Variants in SLC30A5 observed in about 807,000 individuals in gnomAD.
SLC30A5 encodes the protein solute carrier family 30 member 5, also known as proton-coupled zinc antiporter SLC30A5.
In SLC30A5, 33 loss-of-function variants were observed where a neutral mutation model predicts 79.6. The ratio of observed to expected loss-of-function variants is 0.41; its 90% CI spans 0.31 to 0.55. The LOEUF is 0.55. Ranked by LOEUF, SLC30A5 falls within the 20% of genes least tolerant of loss-of-function variation. The pLI is 0.20. For synonymous variants in SLC30A5, 299 were observed against 319.7 expected, an observed-to-expected ratio of 0.94 and a Z score of 0.69; for missense variants, 788 against 928.1, an observed-to-expected ratio of 0.85 and a Z score of 1.96.
At chr5:69,128,205 T>C in intron 15 of SLC30A5, 73 bp downstream of exon 15, 1 of 1,163,622 alleles carries the variant, frequency 8.6e-7, no homozygotes, top group South Asian at 1.4e-5. Flanking sequence ...ATAAGTTATA[T>C]GGCTCAGTAG....
intron 1 of SLC30A5, among the ~76,000 whole-genome samples, chr5:69,097,627 C>T (rs1338897229): frequency 2.0e-5 from 3 of 152,166 alleles, no homozygotes; most frequent in Non-Finnish European, 4.4e-5. Context: ...ACCATCATGC[C>T]CAGTTCATTC....
At chr5:69,111,831 T>A (rs998131156) in intron 5 of SLC30A5, among the ~76,000 whole-genome samples, 4 of 152,194 alleles carry the variant, frequency 2.6e-5, no homozygotes, top group African/African-American at 9.7e-5. Context: ...GTGGTAATCA[T>A]AGAATGAAGA....
intron 12 of SLC30A5, among the ~76,000 whole-genome samples, chr5:69,119,998 T>A (rs1478053662): frequency 8.0e-6 from 1 of 124,992 alleles, no homozygotes; most frequent in African/African-American, 3.1e-5. Context: ...CCAGCCTGGG[T>A]GATAGAGAGA....
intron 2 of SLC30A5, among the ~76,000 whole-genome samples, chr5:69,101,449 T>C (rs1433716831): frequency 6.6e-6 from 1 of 151,458 alleles, no homozygotes; most frequent in Non-Finnish European, 1.5e-5. Flanking sequence ...CAGCTAATTT[T>C]TGTATTTTTA....
intron 7 of SLC30A5, 72 bp from the exon 8 acceptor site, chr5:69,115,165 A>AT: frequency 1.3e-6 from 1 of 754,564 alleles, no homozygotes; most frequent in Non-Finnish European, 2.0e-6. Flanking sequence ...AAAAAAAAAA[A>AT]GATCATGTAT....
intron 1 of SLC30A5, among the ~76,000 whole-genome samples, chr5:69,098,157 A>G (rs771018421): frequency 2.9e-4 from 44 of 152,152 alleles, no homozygotes; most frequent in Middle Eastern, 3.4e-3. Context: ...CCAATTTATA[A>G]ACCATTATTT....
intron 13 of SLC30A5, 62 bp downstream of exon 13, chr5:69,121,957 T>G: frequency 7.3e-7 from 1 of 1,361,968 alleles, no homozygotes; most frequent in Non-Finnish European, 1.0e-6. Context: ...CCTCTGTGTT[T>G]ATTTGTATTA....
intron 3 of SLC30A5, chr5:69,104,285 CCACCA>C: frequency 2.0e-6 from 1 of 492,762 alleles, no homozygotes; most frequent in Non-Finnish European, 3.2e-6. Flanking sequence ...TTACAGGCAC[CCACCA>C]CCACACCCAG....
chr5:69,117,091 G>A (rs927392349), intron 10 of SLC30A5, 148 bp from the exon 11 acceptor site: 1 of 579,066 alleles, frequency 1.7e-6, no homozygotes, highest in African/African-American at 1.9e-5. Flanking sequence ...CAATTTGTGT[G>A]AAATAGGGTT....
chr5:69,116,543 A>C lies in SLC30A5; in HGVS notation c.1222A>C (p.Lys408Gln). ...CCCTAGGTTTATTAAGGAATCACTA[A>C]AACAAATTCTTGAGGAGAGTGACTC... ...SIPRFIKESL[K>Q]QILEESDSRQ... Residue 408 changes from lysine to glutamine, a missense_variant, in exon 10 of 16, where the codon AAA (lysine) becomes CAA (glutamine). Lys to Gln is a moderately conservative substitution (Grantham distance 53, BLOSUM62 1). Coordinates refer to ENST00000396591, the MANE Select transcript of SLC30A5 (RefSeq NM_022902.5). The surrounding 1 kb of genome is among the most constrained non-coding windows in gnomAD (Gnocchi z 4.0). 6.2e-7 allele frequency: 1 copy of C among 1,610,946 alleles called. No individual in the cohort carries two copies. The highest frequency in any genetic ancestry group is 8.5e-7 in the Non-Finnish European group (1 of 1,179,152).
At chr5:69,128,232 A>C in intron 15 of SLC30A5, 100 bp downstream of exon 15, 3 of 874,044 alleles carry the variant, frequency 3.4e-6, no homozygotes, top group Non-Finnish European at 5.0e-6. Flanking sequence ...ACTATTCAGA[A>C]ATATCAATCT....
In SLC30A5 at chr5:69,116,587, C is replaced by A; in HGVS notation, c.1266C>A (p.Phe422Leu). The A allele has an allele frequency of 1.3e-6, 2 of 1,557,192 alleles. No individual in the cohort carries two copies. Among genetic ancestry groups the A allele is most frequent in the Non-Finnish European group, 1.7e-6 (2 of 1,157,854 alleles). Residue 422 changes from phenylalanine (F) to leucine (L), a missense_variant, in exon 10 of 16, where the codon TTC becomes TTA. Physicochemically the swap from Phe to Leu is conservative, Grantham distance 22 (BLOSUM62 0). Transcript: ENST00000396591. The surrounding 1 kb of genome is among the most constrained non-coding windows in gnomAD (Gnocchi z 4.0). ...GTGACTCTAGGCAGATCTTTTACTT[C>A]TTGTGCTTGAATCTGGTAAGATTTT... ...EESDSRQIFY[F>L]LCLNLLFTFV... is the part of the protein sequence containing the mutation.
chr5:69,104,252 C>T, intron 3 of SLC30A5: 1 of 576,646 alleles, frequency 1.7e-6, no homozygotes, highest in Non-Finnish European at 2.6e-6. Context: ...ATTCTCCTGC[C>T]TCAGCCTCCT....
intron 1 of SLC30A5, among the ~76,000 whole-genome samples, chr5:69,097,963 G>A (rs748651053): frequency 2.0e-5 from 3 of 152,106 alleles, no homozygotes; most frequent in South Asian, 4.1e-4. Flanking sequence ...AAACAATGGC[G>A]TCGATTTATC....
chr5:69,105,387 G>A lies in SLC30A5; in HGVS notation c.359+671G>A, dbSNP rs116573689. Among the ~76,000 whole-genome samples the A allele has an allele frequency of 5.0e-3, 768 of 152,248 alleles. 10 individuals are homozygous for A. Among genetic ancestry groups the A allele is most frequent in the African/African-American group, 0.017 (714 of 41,546 alleles). ...TAAGTGTAAGAAAAAATGCCTTGCCGTGAGAATGAGAGGTAAGGAGTGAAA... is the reference window on the plus strand; with the variant it reads ...TAAGTGTAAGAAAAAATGCCTTGCCATGAGAATGAGAGGTAAGGAGTGAAA... On this transcript the variant is annotated intron_variant, in intron 4 of 15. Transcript: ENST00000396591.
In SLC30A5 at chr5:69,129,705, C is replaced by A; in HGVS notation, c.*88C>A. On this transcript the variant is annotated 3_prime_UTR_variant, in exon 16 of 16. Transcript: ENST00000396591. ...TATTGCCAGAAGGATAAAAATTACACATTAACTGTACAGAAACAGAGTTCC... is the reference window on the plus strand; with the variant it reads ...TATTGCCAGAAGGATAAAAATTACAAATTAACTGTACAGAAACAGAGTTCC... 1 of 1,226,078 alleles carries A rather than the reference C, an allele frequency of 8.2e-7. No homozygotes were observed. The allele number at this position is 1,226,078 out of a possible 1,614,324, so 75.9% of individuals were successfully genotyped here.
intron 14 of SLC30A5, 146 bp from the exon 15 acceptor site, chr5:69,127,858 T>G: frequency 1.7e-6 from 1 of 603,776 alleles, no homozygotes; most frequent in East Asian, 3.1e-5. Flanking sequence ...GGCTGGTTTT[T>G]TGTTTGTTTT....
chr5:69,114,243 T>TAA (rs1746305087), intron 6 of SLC30A5, among the ~76,000 whole-genome samples, 177 bp from the exon 7 acceptor site: 1 of 152,242 alleles, frequency 6.6e-6, no homozygotes, highest in African/African-American at 2.4e-5. Context: ...AATTAAATGT[T>TAA]AGATTGTTTT....
chr5:69,111,618 A>T (rs187367408), intron 5 of SLC30A5, among the ~76,000 whole-genome samples: 2 of 152,232 alleles, frequency 1.3e-5, no homozygotes, highest in African/African-American at 4.8e-5. Context: ...TTTCTTAATT[A>T]TGAGACTGAA....
Sources: allele counts gnomAD v4.1 joint callset (sites outside exome capture counted in the v4.1 genomes callset), GRCh38; gene constraint gnomAD v4.1.1; non-coding constraint Gnocchi (gnomAD v3.1); transcripts MANE v1.5; gene names NCBI Gene and HGNC (gene_info 2026-07-23, HGNC 2026-07-21).